PPP2R1A: variants seen among roughly 807,000 people sequenced by gnomAD.
PPP2R1A encodes protein phosphatase 2 scaffold subunit Aalpha, also known as serine/threonine-protein phosphatase 2A 65 kDa regulatory subunit A alpha isoform.
Under a neutral mutation model 67.1 loss-of-function variants are expected in PPP2R1A, and 15 were observed. The ratio of observed to expected loss-of-function variants is 0.22; its 90% CI spans 0.15 to 0.34. The LOEUF is 0.34. Ranked by LOEUF, PPP2R1A falls within the 10% of genes least tolerant of loss-of-function variation. The pLI is 1.00. For synonymous variants in PPP2R1A, 337 were observed against 325.0 expected (o/e 1.04, Z -0.40); for missense variants, 369 against 775.0 (o/e 0.48, Z 6.22).
intron 14 of PPP2R1A, 66 bp from the exon 15 acceptor site, chr19:52,225,899 G>A: frequency 1.2e-6 from 2 of 1,613,622 alleles, no homozygotes; most frequent in South Asian, 1.1e-5. Context: ...GGAGGGGGAG[G>A]TACCTTGGCA....
At chr19:52,220,594 G>C (rs1036877923) in intron 11 of PPP2R1A, among the ~76,000 whole-genome samples, 1 of 152,040 alleles carries the variant, frequency 6.6e-6, no homozygotes. Flanking sequence ...TCTTATTCTG[G>C]TGCCTTGGGG....
At chr19:52,195,002 G>A (rs1240465296) in intron 1 of PPP2R1A, among the ~76,000 whole-genome samples, 4 of 152,184 alleles carry the variant, frequency 2.6e-5, no homozygotes, top group African/African-American at 9.7e-5. Flanking sequence ...AGTGAGAATG[G>A]ATCAGTAGAC....
intron 1 of PPP2R1A, among the ~76,000 whole-genome samples, chr19:52,193,190 G>A (rs1408388490): frequency 6.6e-6 from 1 of 152,192 alleles, no homozygotes; most frequent in Non-Finnish European, 1.5e-5. Context: ...CCAAAGCTGT[G>A]CAGCTGAGAA....
intron 1 of PPP2R1A, chr19:52,201,641 G>A: frequency 2.6e-6 from 1 of 382,556 alleles, no homozygotes; most frequent in East Asian, 5.1e-5. Flanking sequence ...GATGAAGAGA[G>A]AGGAGGAGAG....
At chr19:52,190,385 G>C in intron 1 of PPP2R1A, 1 of 627,574 alleles carries the variant, frequency 1.6e-6, no homozygotes, top group Admixed American at 3.0e-5. Flanking sequence ...GCCAGCGCTA[G>C]CCTCGAGGGT....
At chr19:52,201,462 A>G (rs1312459762) in intron 1 of PPP2R1A, 1 of 154,500 alleles carries the variant, frequency 6.5e-6, no homozygotes, top group Non-Finnish European at 1.4e-5. Context: ...TTGTTCCCCG[A>G]GCCTGTTTCC....
In PPP2R1A at chr19:52,222,160, G is replaced by T. The variant is rs758740333; in HGVS notation, c.1580G>T (p.Arg527Leu). The T allele has an allele frequency of 1.9e-6, 3 of 1,614,174 alleles. No homozygotes were observed. The Admixed American group carries it at 5.0e-5, about 27-fold the overall frequency. ...AAGCACATGCTACCCACGGTTCTGC[G>T]CATGGCTGGGGACCCGGTTGCCAAT... ...TTKHMLPTVLRMAGDPVANVR... is the reference protein window; with the variant it reads ...TTKHMLPTVLLMAGDPVANVR... The change falls in exon 13 of 15, where the codon CGC becomes CTC. Residue 527 changes from arginine (R) to leucine (L), a missense_variant. Coordinates refer to ENST00000322088, the MANE Select transcript of PPP2R1A (RefSeq NM_014225.6).
chr19:52,209,878 A>G (rs777427730), intron 3 of PPP2R1A, among the ~76,000 whole-genome samples: 1 of 152,212 alleles, frequency 6.6e-6, no homozygotes, highest in Non-Finnish European at 1.5e-5. Flanking sequence ...TGAGGGCTGC[A>G]TTTGGAAAAC....
chr19:52,213,520 G>A lies in PPP2R1A; in HGVS notation c.807+410G>A, dbSNP rs977015801. On this transcript the variant is annotated intron_variant, in intron 6 of 14. Coordinates refer to ENST00000322088, the MANE Select transcript of PPP2R1A (RefSeq NM_014225.6). The surrounding 1 kb of genome is among the most constrained non-coding windows in gnomAD (Gnocchi z 4.2). ...AGTCTGTCGCCCAGGCTAGAGTCTTGTTACCCAGCTGGAGTGTGGTGGCGC... is the reference window on the plus strand; with the variant it reads ...AGTCTGTCGCCCAGGCTAGAGTCTTATTACCCAGCTGGAGTGTGGTGGCGC... Among the ~76,000 whole-genome samples the A allele has an allele frequency of 8.7e-6, 1 of 115,424 alleles. No homozygotes were observed. The highest frequency in any genetic ancestry group is 1.7e-5 in the Non-Finnish European group (1 of 60,480). 75.7% of individuals were successfully genotyped at this position (115,424 alleles called of 152,430 possible). A position where few individuals can be genotyped will look rare whatever the true frequency, so the allele number is the denominator to read the frequency against.
chr19:52,212,565 G>GGGGT lies in PPP2R1A; in HGVS notation c.504-120_504-117dup. 2 of 1,189,254 alleles carry GGGGT rather than the reference G, an allele frequency of 1.7e-6. No homozygotes were observed. Among genetic ancestry groups the GGGGT allele is most frequent in the Non-Finnish European group, 2.3e-6 (2 of 853,380 alleles). 73.7% of individuals were successfully genotyped at this position (1,189,254 alleles called of 1,614,324 possible). ...TTCATAGGGCTGGGAAGACAGAGAG[G>GGGGT]GGGTCATCACTTGCCCAAGGTCATT... On this transcript the variant is annotated intron_variant, in intron 4 of 14. Coordinates refer to ENST00000322088, the MANE Select transcript of PPP2R1A (RefSeq NM_014225.6). This position sits in a 1 kb window ranked among gnomAD's most constrained non-coding sequence, Gnocchi z 4.1.
intron 11 of PPP2R1A, 121 bp downstream of exon 11, chr19:52,220,370 C>G: frequency 9.6e-7 from 1 of 1,041,520 alleles, no homozygotes. Flanking sequence ...GCTGGATGCT[C>G]GTATGGACCA....
chr19:52,205,923 T>A, intron 2 of PPP2R1A, 40 bp from the exon 3 acceptor site: 1 of 1,546,914 alleles, frequency 6.5e-7, no homozygotes, highest in East Asian at 2.3e-5. Context: ...GGGGTCAGAG[T>A]TGAGATGGGA....
intron 1 of PPP2R1A, chr19:52,191,328 T>G (rs913722608): frequency 6.6e-6 from 1 of 152,272 alleles, no homozygotes; most frequent in Admixed American, 6.5e-5. Flanking sequence ...ATGGGCTAAT[T>G]GTAGTCCTGG....
At chr19:52,200,852 C>G (rs2089540166) in intron 1 of PPP2R1A, among the ~76,000 whole-genome samples, 1 of 152,252 alleles carries the variant, frequency 6.6e-6, no homozygotes. Context: ...AGGACACTGT[C>G]ACTGGATTCA....
At chr19:52,206,123 G>T (rs546337272) in intron 3 of PPP2R1A, 60 bp downstream of exon 3, 3 of 1,477,602 alleles carry the variant, frequency 2.0e-6, no homozygotes, top group African/African-American at 1.4e-5. Flanking sequence ...TGGTCCTGCC[G>T]GCCTAGGGCA....
chr19:52,194,573 G>T (rs533285979), intron 1 of PPP2R1A, among the ~76,000 whole-genome samples: 2 of 152,202 alleles, frequency 1.3e-5, no homozygotes, highest in East Asian at 3.9e-4. Context: ...GTGTTAGCAT[G>T]CAGGGGGGAA....
intron 3 of PPP2R1A, among the ~76,000 whole-genome samples, chr19:52,207,885 G>GA (rs1404490132): frequency 4.6e-5 from 7 of 152,022 alleles, no homozygotes; most frequent in Non-Finnish European, 8.8e-5. Context: ...AGGCAGGGGG[G>GA]TCCTTAAACC....
intron 13 of PPP2R1A, among the ~76,000 whole-genome samples, chr19:52,224,461 C>T (rs1463200647): frequency 6.6e-6 from 1 of 152,174 alleles, no homozygotes; most frequent in African/African-American, 2.4e-5. Context: ...GGCCCGGGTG[C>T]CTCATGGCAG....
intron 13 of PPP2R1A, among the ~76,000 whole-genome samples, chr19:52,224,335 C>A (rs1383651048): frequency 6.6e-6 from 1 of 152,190 alleles, no homozygotes; most frequent in Non-Finnish European, 1.5e-5. Context: ...AGGCGGATTT[C>A]CCTGGGCCCC....
Sources: allele counts gnomAD v4.1 joint callset (sites outside exome capture counted in the v4.1 genomes callset), GRCh38; gene constraint gnomAD v4.1.1; non-coding constraint Gnocchi (gnomAD v3.1); transcripts MANE v1.5; gene names NCBI Gene and HGNC (gene_info 2026-07-23, HGNC 2026-07-21).